CAMTA1: variants seen among roughly 807,000 people sequenced by gnomAD.
CAMTA1 encodes the protein calmodulin binding transcription activator 1.
In CAMTA1, 27 loss-of-function variants were observed where a neutral mutation model predicts 170.9. The ratio of observed to expected loss-of-function variants is 0.16; its 90% CI spans 0.12 to 0.22. The LOEUF is 0.22. Among genes scored for constraint, CAMTA1 ranks in the 10% least tolerant of loss-of-function variants. The pLI is 1.00. For synonymous variants in CAMTA1, 833 were observed against 891.5 expected (o/e 0.93, Z 1.17); for missense variants, 1,619 against 2,217.2 (o/e 0.73, Z 5.42).
At position 7,010,553 on chromosome 1, in the gene CAMTA1, C is replaced by G. The variant is rs900202457; in HGVS notation, c.235-80751C>G. Among the ~76,000 whole-genome samples the G allele has an allele frequency of 2.6e-5, 4 of 152,178 alleles. No individual in the cohort carries two copies. The highest frequency in any genetic ancestry group is 9.7e-5 in the African/African-American group (4 of 41,436). ...GGTGGAAAGACCTGAGTTCAAATCT[C>G]GGACCCACTACTGACCAGCTGGGTG... On this transcript the variant is annotated intron_variant, in intron 3 of 22. Transcript: ENST00000303635. This position sits in a 1 kb window ranked among gnomAD's most constrained non-coding sequence, Gnocchi z 4.4.
chr1:7,567,103 T>C (rs1438159053), intron 6 of CAMTA1, among the ~76,000 whole-genome samples: 2 of 152,118 alleles, frequency 1.3e-5, no homozygotes, highest in Non-Finnish European at 2.9e-5. Context: ...ACCTCAAGTG[T>C]GGATAATAAC....
intron 4 of CAMTA1, among the ~76,000 whole-genome samples, chr1:7,182,500 A>T (rs887568304): frequency 1.4e-5 from 2 of 142,454 alleles, no homozygotes; most frequent in Non-Finnish European, 3.2e-5. Flanking sequence ...ATCTCAGAAA[A>T]AAAAAAAAAA....
chr1:7,175,949 C>G (rs1177263879), intron 4 of CAMTA1, among the ~76,000 whole-genome samples: 1 of 152,048 alleles, frequency 6.6e-6, no homozygotes, highest in Non-Finnish European at 1.5e-5. Flanking sequence ...CCTCACATTT[C>G]CCCAGATCAT....
intron 3 of CAMTA1, among the ~76,000 whole-genome samples, chr1:7,018,144 T>TTTTTTTTTTTTTTTGAG: frequency 6.6e-6 from 1 of 151,340 alleles, no homozygotes; most frequent in African/African-American, 2.4e-5. Context: ...CAGGGCTTTT[T>TTTTTTTTTTTTTTTGAG]AACAGATGGT....
At chr1:7,521,273 T>G (rs548601672) in intron 6 of CAMTA1, among the ~76,000 whole-genome samples, 21 of 152,298 alleles carry the variant, frequency 1.4e-4, no homozygotes, top group African/African-American at 4.3e-4. Context: ...CATTTTTAAT[T>G]GAAATTTTTA....
chr1:7,509,880 A>T (rs1181538442), intron 6 of CAMTA1, among the ~76,000 whole-genome samples: 1 of 151,632 alleles, frequency 6.6e-6, no homozygotes, highest in East Asian at 1.9e-4. Flanking sequence ...CTCATAAAGG[A>T]TTTTCCATGA....
At chr1:7,684,541 T>A (rs142644829) in intron 11 of CAMTA1, among the ~76,000 whole-genome samples, 1 of 152,268 alleles carries the variant, frequency 6.6e-6, no homozygotes, top group Non-Finnish European at 1.5e-5. Context: ...CTGCTGATCA[T>A]CGTTATGGAT....
intron 2 of CAMTA1, among the ~76,000 whole-genome samples, chr1:6,821,534 G>A (rs972821912): frequency 1.2e-4 from 18 of 152,060 alleles, no homozygotes; most frequent in African/African-American, 3.6e-4. Flanking sequence ...ATAAGATTTA[G>A]CAATTTGATA....
chr1:7,548,569 G>A (rs1370696824), intron 6 of CAMTA1, among the ~76,000 whole-genome samples: 3 of 150,284 alleles, frequency 2.0e-5, no homozygotes, highest in African/African-American at 7.4e-5. Flanking sequence ...CCTTAGGGGT[G>A]GAGGTGCTGG....
intron 4 of CAMTA1, among the ~76,000 whole-genome samples, chr1:7,163,933 GA>G (rs1453648217): frequency 6.6e-6 from 1 of 152,192 alleles, no homozygotes; most frequent in Non-Finnish European, 1.5e-5. Flanking sequence ...TTGTGTTATA[GA>G]GAGCATATCT....
intron 5 of CAMTA1, among the ~76,000 whole-genome samples, chr1:7,380,432 G>A (rs1417355602): frequency 6.6e-6 from 1 of 152,174 alleles, no homozygotes; most frequent in African/African-American, 2.4e-5. Flanking sequence ...AAATTAGCCA[G>A]GCGTGGTAGC....
rs1468853178 is a variant in CAMTA1 at position 7,144,122 on chromosome 1, C to G, written c.302+52751C>G. Among the ~76,000 whole-genome samples the G allele has an allele frequency of 1.3e-5, 2 of 152,144 alleles. No homozygotes were observed. On this transcript the variant is annotated intron_variant, in intron 4 of 22. Transcript: ENST00000303635. This position sits in a 1 kb window ranked among gnomAD's most constrained non-coding sequence, Gnocchi z 4.0. ...CAACAGACATTTATTTTCTTATGTT[C>G]TGGAGGCTGGAAGTCTGAGATCAGG... is the stretch of plus-strand genomic sequence containing the variant.
chr1:7,597,377 T>C (rs2095408195), intron 6 of CAMTA1, among the ~76,000 whole-genome samples: 1 of 151,680 alleles, frequency 6.6e-6, no homozygotes, highest in Non-Finnish European at 1.5e-5. Context: ...GCACTGCGAG[T>C]TTTTCTTCTT....
intron 3 of CAMTA1, among the ~76,000 whole-genome samples, chr1:6,960,838 T>C (rs1690269853): frequency 6.6e-6 from 1 of 152,244 alleles, no homozygotes; most frequent in Non-Finnish European, 1.5e-5. Context: ...GAGCTCTTAC[T>C]TTGTGCAGGT....
At chr1:7,646,198 CATGGTGATTGTGAAGGTGGAGGCT>C (rs2095802570) in intron 7 of CAMTA1, among the ~76,000 whole-genome samples, 2 of 141,678 alleles carry the variant, frequency 1.4e-5, no homozygotes, top group African/African-American at 2.7e-5. Flanking sequence ...GGGTGGAGGC[CATGGTGATTGTGAAGGTGGAGGCT>C]ATGGTGAGTT....
chr1:6,865,404 C>G (rs1245855110), intron 3 of CAMTA1, among the ~76,000 whole-genome samples: 1 of 152,094 alleles, frequency 6.6e-6, no homozygotes, highest in African/African-American at 2.4e-5. Flanking sequence ...GTGAGTGAGC[C>G]TGTTGAGGGA....
chr1:7,126,388 A>G (rs1311445321), intron 4 of CAMTA1, among the ~76,000 whole-genome samples: 17 of 152,196 alleles, frequency 1.1e-4, no homozygotes, highest in Admixed American at 6.5e-5. Context: ...CCAGGCAGCT[A>G]ATGACACAAG....
intron 5 of CAMTA1, among the ~76,000 whole-genome samples, chr1:7,272,813 TA>T (rs1308857530): frequency 2.0e-5 from 3 of 150,974 alleles, no homozygotes; most frequent in Non-Finnish European, 2.9e-5. Context: ...GCTGAAACTA[TA>T]AAAGTCTTAG....
At position 7,641,561 on chromosome 1, in the gene CAMTA1, A is replaced by T. The variant is rs1324763437; in HGVS notation, c.664+1008A>T. Reference sequence around the variant, plus strand: ...GGCACCTGCGGTGATGCTAATCCTGAGAGTCCCCTGGGTGCTCGGATTTAG... The same window carrying T: ...GGCACCTGCGGTGATGCTAATCCTGTGAGTCCCCTGGGTGCTCGGATTTAG... On this transcript the variant is annotated intron_variant, in intron 7 of 22. Coordinates refer to ENST00000303635, the MANE Select transcript of CAMTA1 (RefSeq NM_015215.4). This position sits in a 1 kb window ranked among gnomAD's most constrained non-coding sequence, Gnocchi z 4.5. Among the ~76,000 whole-genome samples the T allele has an allele frequency of 6.6e-6, 1 of 152,114 alleles. No individual in the cohort carries two copies. Among genetic ancestry groups the T allele is most frequent in the African/African-American group, 2.4e-5 (1 of 41,422 alleles).
Sources: allele counts gnomAD v4.1 joint callset (sites outside exome capture counted in the v4.1 genomes callset), GRCh38; gene constraint gnomAD v4.1.1; non-coding constraint Gnocchi (gnomAD v3.1); transcripts MANE v1.5; gene names NCBI Gene and HGNC (gene_info 2026-07-23, HGNC 2026-07-21).